EEA1: variants seen among roughly 807,000 people sequenced by gnomAD.
EEA1 encodes the protein early endosome antigen 1, also known as early endosome antigen 1, 162kD.
A neutral mutation model predicts 209.2 loss-of-function variants in EEA1; 111 were observed. The ratio of observed to expected loss-of-function variants is 0.53; its 90% CI spans 0.45 to 0.62. The LOEUF is 0.62. Ranked by LOEUF, EEA1 falls within the 20% of genes least tolerant of loss-of-function variation. EEA1 has a pLI of 0.00. For synonymous variants in EEA1, 536 were observed against 540.6 expected, an observed-to-expected ratio of 0.99 and a Z score of 0.12; for missense variants, 1,343 against 1,530.8, an observed-to-expected ratio of 0.88 and a Z score of 2.05.
chr12:92,788,073 A>G (rs772945059), intron 21 of EEA1, 24 bp from the exon 22 acceptor site: 9 of 1,503,434 alleles, frequency 6.0e-6, no homozygotes, highest in Non-Finnish European at 8.0e-6. Flanking sequence ...TAGTTATTTA[A>G]AACAGTATGC....
At chr12:92,780,738 G>C (rs546648550) in intron 23 of EEA1, among the ~76,000 whole-genome samples, 24 of 152,174 alleles carry the variant, frequency 1.6e-4, no homozygotes, top group African/African-American at 5.8e-4. Context: ...AAGGTATCTA[G>C]TTAGGATATT....
chr12:92,826,714 CAAA>C (rs1210921584), intron 12 of EEA1, among the ~76,000 whole-genome samples: 1 of 57,128 alleles, frequency 1.8e-5, no homozygotes, highest in Admixed American at 1.8e-4. Context: ...GACTCCGTCT[CAAA>C]AAAAAAAAAA....
chr12:92,780,257 G>T, intron 24 of EEA1, 23 bp downstream of exon 24: 1 of 1,581,156 alleles, frequency 6.3e-7, no homozygotes, highest in South Asian at 1.2e-5. Context: ...CAGAAGGCAG[G>T]AGAAATGATT....
chr12:92,864,395 T>C (rs1266856889), intron 3 of EEA1, among the ~76,000 whole-genome samples: 1 of 152,152 alleles, frequency 6.6e-6, no homozygotes, highest in Non-Finnish European at 1.5e-5. Flanking sequence ...TACTTTTACT[T>C]CTTAAAATGG....
intron 21 of EEA1, among the ~76,000 whole-genome samples, chr12:92,795,412 G>A (rs1874615935): frequency 6.6e-6 from 1 of 152,162 alleles, no homozygotes; most frequent in South Asian, 2.1e-4. Flanking sequence ...CAGGTCCCAT[G>A]TCTGTTTTAT....
chr12:92,879,216 T>TTTTGTTTTTTGGAA, intron 2 of EEA1: 1 of 302,438 alleles, frequency 3.3e-6, no homozygotes. Flanking sequence ...TTTTTTTTTT[T>TTTTGTTTTTTGGAA]TGTATTTTGG....
intron 11 of EEA1, among the ~76,000 whole-genome samples, chr12:92,830,742 T>C (rs1187945829): frequency 2.6e-5 from 4 of 152,168 alleles, no homozygotes; most frequent in Non-Finnish European, 5.9e-5. Flanking sequence ...CTATGGATAG[T>C]GCATGTCATA....
In EEA1 at chr12:92,828,013, C is replaced by G; in HGVS notation, c.1303G>C (p.Gly435Arg). ...AGCTGTCTCTGTTCCTTCAGCCTAC[C>G]ATGAGCTTCCCCTAGTTGGCGCTCT... is the stretch of plus-strand genomic sequence containing the variant. ...ETERQLGEAH[G>R]RLKEQRQLSS... The change falls in exon 12 of 29, where the codon GGT becomes CGT. Residue 435 changes from glycine (G) to arginine (R), a missense_variant. Gly to Arg is a moderately radical substitution (Grantham distance 125). Around this residue, in one of 3 missense-constraint regions of EEA1, gnomAD observed 1,307 missense variants for 1,465.5 expected, o/e 0.89. Coordinates refer to ENST00000322349, the MANE Select transcript of EEA1 (RefSeq NM_003566.4). 6.3e-7 allele frequency: 1 copy of G among 1,596,474 alleles called. No individual in the cohort carries two copies. Among genetic ancestry groups the G allele is most frequent in the Non-Finnish European group, 8.5e-7 (1 of 1,173,138 alleles).
In EEA1 at chr12:92,809,112, C is replaced by T. The variant is rs1875355975; in HGVS notation, c.2244G>A (p.Gln748=). 1 of 1,601,654 alleles carries T rather than the reference C, an allele frequency of 6.2e-7. No homozygotes were observed. Among genetic ancestry groups the T allele is most frequent in the Non-Finnish European group, 8.5e-7 (1 of 1,173,580 alleles). ...TTTGCTGTTGTAGATCTTGCAAAGC[C>T]TGCTCCTTGCTTGCTTTAACTTCAA... ...DSLEVKASKE[Q]ALQDLQQQRQ... The change falls in exon 18 of 29, where the codon CAG becomes CAA. Residue 748 remains glutamine, a synonymous_variant. Coordinates refer to ENST00000322349, the MANE Select transcript of EEA1 (RefSeq NM_003566.4).
intron 12 of EEA1, 150 bp downstream of exon 12, chr12:92,827,762 T>C: frequency 1.4e-6 from 1 of 729,316 alleles, no homozygotes. Context: ...AATGACTTAA[T>C]GTAGTTAATA....
rs913295826 is a variant in EEA1, at chr12:92,884,068, G to A, written c.117+7561C>T. The A allele has an allele frequency of 3.0e-6, 4 of 1,311,698 alleles. No homozygotes were observed. In the East Asian group the frequency reaches 6.9e-5, roughly 23 times the overall value. The allele number at this position is 1,311,698 out of a possible 1,614,324, so 81.3% of individuals were successfully genotyped here. A position where few individuals can be genotyped will look rare whatever the true frequency, so the allele number is the denominator to read the frequency against. On this transcript the variant is annotated intron_variant, in intron 2 of 28. Coordinates refer to ENST00000322349, the MANE Select transcript of EEA1 (RefSeq NM_003566.4). ...CTCAAGAGAAGATTCTCAAAGACCA[G>A]GTGCCCACTTAACTATGAAAAAGAT... is the stretch of plus-strand genomic sequence containing the variant.
At position 92,792,865 on chromosome 12, in the gene EEA1, C is replaced by T. The variant is rs118119963; in HGVS notation, c.2968-4816G>A. On this transcript the variant is annotated intron_variant, in intron 21 of 28. Coordinates refer to ENST00000322349, the MANE Select transcript of EEA1 (RefSeq NM_003566.4). ...TGAGGTCAATATCCCTGATGAACATCGATGCGAAAATCCTCAAATAAAATA... is the reference window on the plus strand; with the variant it reads ...TGAGGTCAATATCCCTGATGAACATTGATGCGAAAATCCTCAAATAAAATA... Among the ~76,000 whole-genome samples, 15 of 152,170 alleles carry T rather than the reference C, an allele frequency of 9.9e-5. No individual in the cohort carries two copies. The East Asian group carries it at 1.9e-3, about 20-fold the overall frequency.
intron 1 of EEA1, among the ~76,000 whole-genome samples, chr12:92,926,716 T>A (rs1284855765): frequency 6.6e-6 from 1 of 152,192 alleles, no homozygotes; most frequent in Non-Finnish European, 1.5e-5. Context: ...TTGTTCACAC[T>A]CCTCACAGTA....
intron 18 of EEA1, among the ~76,000 whole-genome samples, chr12:92,808,479 T>TTTTTC (rs1875323139): frequency 8.0e-6 from 1 of 124,868 alleles, no homozygotes; most frequent in Admixed American, 7.6e-5. Flanking sequence ...GCTGAGGTTA[T>TTTTTC]TTTTTTTTTT....
intron 13 of EEA1, among the ~76,000 whole-genome samples, chr12:92,822,643 A>C (rs970835): frequency 0.96 from 145,782 of 152,134 alleles, 69,898 homozygotes; most frequent in East Asian, 1. Flanking sequence ...CCCAGTCATC[A>C]CTTAAGGGGT....
Position 92,857,341 on chromosome 12 carries a change from C to A in EEA1, c.301-1G>T. ...ATTCTTCCGAGTACCATTTTTCTTCCTAATAAAAAAGATTTTTAATTAGTA... is the reference window on the plus strand; with the variant it reads ...ATTCTTCCGAGTACCATTTTTCTTCATAATAAAAAAGATTTTTAATTAGTA... On this transcript the variant is annotated splice_acceptor_variant, in intron 4 of 28. Transcript: ENST00000322349. LOFTEE classifies it high-confidence loss of function. The A allele has an allele frequency of 6.3e-7, 1 of 1,581,888 alleles. No homozygotes were observed. Among genetic ancestry groups the A allele is most frequent in the African/African-American group, 1.4e-5 (1 of 72,930 alleles).
chr12:92,856,762 T>C (rs1285167983), intron 5 of EEA1, among the ~76,000 whole-genome samples: 2 of 137,802 alleles, frequency 1.5e-5, no homozygotes, highest in East Asian at 4.5e-4. Flanking sequence ...TATAGATACC[T>C]GATTCTTTTT....
At chr12:92,858,352 G>T in intron 3 of EEA1, 1 of 852,478 alleles carries the variant, frequency 1.2e-6, no homozygotes, top group Admixed American at 1.8e-5. Flanking sequence ...AAACACATTG[G>T]ATATGATGAT....
At chr12:92,860,222 T>C (rs554561702) in intron 3 of EEA1, among the ~76,000 whole-genome samples, 1 of 152,226 alleles carries the variant, frequency 6.6e-6, no homozygotes, top group Non-Finnish European at 1.5e-5. Flanking sequence ...CACAGGCCAG[T>C]ACCTGAGGGT....
Sources: allele counts gnomAD v4.1 joint callset (sites outside exome capture counted in the v4.1 genomes callset), GRCh38; gene constraint gnomAD v4.1.1; regional missense constraint gnomAD v4.1.1; transcripts MANE v1.5; gene names NCBI Gene and HGNC (gene_info 2026-07-23, HGNC 2026-07-21).